The following GNPTG variants were observed in gnomAD, a reference collection of about 807,000 sequenced individuals.
GNPTG encodes the protein N-acetylglucosamine-1-phosphotransferase subunit gamma.
In GNPTG, 46 loss-of-function variants were observed where a neutral mutation model predicts 43.8. The ratio of observed to expected loss-of-function variants is 1.05; its 90% CI spans 0.83 to 1.34. The LOEUF is 1.34. GNPTG is among the 40% of genes most tolerant of loss of function. GNPTG has a pLI of 0.00. For synonymous variants in GNPTG, 250 were observed against 172.8 expected (o/e 1.45, Z -3.50); for missense variants, 549 against 411.3 (o/e 1.33, Z -2.90).
chr16:1,360,636 G>C (rs1406233494), intron 3 of GNPTG: 1 of 152,106 alleles, frequency 6.6e-6, no homozygotes, highest in Non-Finnish European at 1.5e-5. Flanking sequence ...AGAAAAAAAA[G>C]AATCTAATGC....
chr16:1,362,219 G>A lies in GNPTG; in HGVS notation c.425G>A (p.Cys142Tyr). Residue 142 changes from cysteine (C) to tyrosine (Y), a missense_variant, in exon 7 of 11, where the codon TGT becomes TAT. Transcript: ENST00000204679. ...RSRQSKVELA[C>Y]GKSNRLAHVS... ...TTCCCTCCCCAGGTGGAGCTGGCGT[G>A]TGGAAAAAGCAACCGGCTGGCCCAT... is the stretch of plus-strand genomic sequence containing the variant. The A allele has an allele frequency of 6.2e-7, 1 of 1,613,592 alleles. No homozygotes were observed. The highest frequency in any genetic ancestry group is 8.5e-7 in the Non-Finnish European group (1 of 1,179,960).
Position 1,351,972 on chromosome 16 carries a change from G to A in GNPTG, c.7G>A (p.Ala3Thr), listed in dbSNP as rs914207699. The change falls in exon 1 of 11, where the codon GCG becomes ACG. Residue 3 changes from alanine to threonine, a missense_variant. Physicochemically the swap from Ala to Thr is moderately conservative, Grantham distance 58 (BLOSUM62 0). Coordinates refer to ENST00000204679, the MANE Select transcript of GNPTG (RefSeq NM_032520.5). MA[A>T]GLARLLLLLG... is the part of the protein sequence containing the mutation. ...CGGCGGCCGCTGCGGCGCGATGGCGGCGGGGCTGGCGCGGCTCCTGTTGCT... is the reference window on the plus strand; with the variant it reads ...CGGCGGCCGCTGCGGCGCGATGGCGACGGGGCTGGCGCGGCTCCTGTTGCT... 141 of 1,317,162 alleles carry A rather than the reference G, an allele frequency of 1.1e-4. No homozygotes were observed. The African/African-American group carries it at 1.9e-3, about 18-fold the overall frequency. The allele number at this position is 1,317,162 out of a possible 1,614,324, so 81.6% of individuals were successfully genotyped here.
At chr16:1,359,596 ACT>A (rs1491280217) in intron 3 of GNPTG, among the ~76,000 whole-genome samples, 1 of 152,074 alleles carries the variant, frequency 6.6e-6, no homozygotes, top group Non-Finnish European at 1.5e-5. Flanking sequence ...CCAGTATCAC[ACT>A]GTTTTGATCA....
rs1311440666 is a variant in GNPTG, at chr16:1,362,050, G to A, written c.330G>A (p.Glu110=). The A allele has an allele frequency of 1.9e-6, 3 of 1,612,610 alleles. No individual in the cohort carries two copies. The highest frequency in any genetic ancestry group is 2.7e-5 in the African/African-American group (2 of 74,920). ...CGTGTCTCCCCAGCATCTGGCACGAGTGGGAGATCGCCAACAACACCTTCA... is the reference window on the plus strand; with the variant it reads ...CGTGTCTCCCCAGCATCTGGCACGAATGGGAGATCGCCAACAACACCTTCA... ...AYSGILGIWH[E]WEIANNTFTG... is the part of the protein sequence containing the mutation. Residue 110 remains glutamate, a synonymous_variant, in exon 6 of 11, where the codon GAG becomes GAA. Coordinates refer to ENST00000204679, the MANE Select transcript of GNPTG (RefSeq NM_032520.5).
At position 1,362,527 on chromosome 16, in the gene GNPTG, C is replaced by G; in HGVS notation, c.602C>G (p.Thr201Ser). The G allele has an allele frequency of 6.2e-7, 1 of 1,614,042 alleles. No individual in the cohort carries two copies. ...CAGGACCTGGCCGATGAGCTGATCA[C>G]CCCCCAGGTAAGCGTGCGCTCGGGG... is the stretch of plus-strand genomic sequence containing the variant. ...VEQDLADELI[T>S]PQGHEKLLRT... is the part of the protein sequence containing the mutation. Residue 201 changes from threonine (T) to serine (S), a missense_variant, in exon 8 of 11, where the codon ACC becomes AGC. Transcript: ENST00000204679.
At chr16:1,355,667 C>CCAGCA (rs2034762753) in intron 3 of GNPTG, among the ~76,000 whole-genome samples, 1 of 151,892 alleles carries the variant, frequency 6.6e-6, no homozygotes, top group South Asian at 2.1e-4. Flanking sequence ...CCAGCATAGC[C>CCAGCA]CAGCACACTG....
In GNPTG at chr16:1,351,986, G is replaced by T. The variant is rs977124651; in HGVS notation, c.21G>T (p.Arg7=). 1.4e-6 allele frequency: 2 copies of T among 1,403,586 alleles called. No individual in the cohort carries two copies. Among genetic ancestry groups the T allele is most frequent in the South Asian group, 3.0e-5 (2 of 66,376 alleles). The allele number at this position is 1,403,586 out of a possible 1,614,324, so 86.9% of individuals were successfully genotyped here. The change falls in exon 1 of 11, where the codon CGG becomes CGT. Residue 7 remains arginine, a synonymous_variant. Coordinates refer to ENST00000204679, the MANE Select transcript of GNPTG (RefSeq NM_032520.5). MAAGLA[R]LLLLLGLSAG... The stretch of plus-strand genomic sequence containing the variant: ...GCGCGATGGCGGCGGGGCTGGCGCG[G>T]CTCCTGTTGCTCCTCGGGCTCTCGG...
At chr16:1,361,608 C>T (rs919945951) in intron 3 of GNPTG, 135 bp from the exon 4 acceptor site, 2 of 856,344 alleles carry the variant, frequency 2.3e-6, no homozygotes, top group African/African-American at 1.7e-5. Flanking sequence ...CATGCCACTG[C>T]ACTCCAGCCT....
intron 5 of GNPTG, 25 bp from the exon 6 acceptor site, chr16:1,362,013 A>ACGTGC: frequency 6.2e-7 from 1 of 1,612,870 alleles, no homozygotes; most frequent in Non-Finnish European, 8.5e-7. Context: ...ACCCGGCCTC[A>ACGTGC]CGTGCCGTGC....
chr16:1,363,364 A>G lies in GNPTG; in HGVS notation c.*273A>G, dbSNP rs1316075782. 1.1e-5 allele frequency: 5 copies of G among 451,334 alleles called. No individual in the cohort carries two copies. Among genetic ancestry groups the G allele is most frequent in the Admixed American group, 3.5e-5 (1 of 28,780 alleles). The allele number at this position is 451,334 out of a possible 1,614,324, so 28.0% of individuals were successfully genotyped here. A position where few individuals can be genotyped will look rare whatever the true frequency, so the allele number is the denominator to read the frequency against. On this transcript the variant is annotated 3_prime_UTR_variant, in exon 11 of 11. Coordinates refer to ENST00000204679, the MANE Select transcript of GNPTG (RefSeq NM_032520.5). ...ATTATAAATACTACCTTCTGGGTTA[A>G]GAAAATTCCATTCAAATAACATTCT...
chr16:1,359,461 G>A (rs2034833508), intron 3 of GNPTG, among the ~76,000 whole-genome samples: 1 of 151,728 alleles, frequency 6.6e-6, no homozygotes, highest in South Asian at 2.1e-4. Flanking sequence ...TTAGAGATCA[G>A]GTTTCACCAT....
intron 3 of GNPTG, among the ~76,000 whole-genome samples, chr16:1,353,179 A>G (rs964909329): frequency 1.3e-5 from 2 of 152,122 alleles, no homozygotes; most frequent in African/African-American, 2.4e-5. Context: ...ATTTCACCGT[A>G]TTGACCAGGC....
rs772239803 is a variant in GNPTG at position 1,351,991 on chromosome 16, T to C, written c.26T>C (p.Leu9Pro). 7.0e-7 allele frequency: 1 copy of C among 1,429,296 alleles called. No individual in the cohort carries two copies. Among genetic ancestry groups the C allele is most frequent in the South Asian group, 1.4e-5 (1 of 71,174 alleles). 88.5% of individuals were successfully genotyped at this position (1,429,296 alleles called of 1,614,324 possible). A position where few individuals can be genotyped will look rare whatever the true frequency, so the allele number is the denominator to read the frequency against. ...ATGGCGGCGGGGCTGGCGCGGCTCCTGTTGCTCCTCGGGCTCTCGGCCGGC... is the reference window on the plus strand; with the variant it reads ...ATGGCGGCGGGGCTGGCGCGGCTCCCGTTGCTCCTCGGGCTCTCGGCCGGC... MAAGLARL[L>P]LLLGLSAGGP... The change falls in exon 1 of 11, where the codon CTG becomes CCG. Residue 9 changes from leucine to proline, a missense_variant. Leu to Pro is a moderately conservative substitution (Grantham distance 98). Transcript: ENST00000204679.
In GNPTG at chr16:1,363,259, C is replaced by T. The variant is rs1420643071; in HGVS notation, c.*168C>T. On this transcript the variant is annotated 3_prime_UTR_variant, in exon 11 of 11. Coordinates refer to ENST00000204679, the MANE Select transcript of GNPTG (RefSeq NM_032520.5). ...ACTGATAAAAATAACTCCATGAATT[C>T]TGTAAACCATTGCATAAATGCTATA... The T allele has an allele frequency of 1.2e-5, 8 of 677,558 alleles. No homozygotes were observed. The highest frequency in any genetic ancestry group is 4.6e-5 in the Admixed American group (2 of 43,662). The allele number at this position is 677,558 out of a possible 1,614,324, so 42.0% of individuals were successfully genotyped here.
intron 1 of GNPTG, 24 bp from the exon 2 acceptor site, chr16:1,352,078 C>A (rs1189333562): frequency 1.9e-6 from 3 of 1,548,998 alleles, no homozygotes; most frequent in East Asian, 2.4e-5. Context: ...CCGGCCTCCC[C>A]GCTCACGGTC....
chr16:1,353,724 T>C (rs1249277873), intron 3 of GNPTG, among the ~76,000 whole-genome samples: 1 of 152,084 alleles, frequency 6.6e-6, no homozygotes, highest in African/African-American at 2.4e-5. Flanking sequence ...GAAGTCTCAC[T>C]ATGTTGCCCA....
rs539354203 is a variant in GNPTG at position 1,363,347 on chromosome 16, T to TA, written c.*257dup. 1,693 of 485,782 alleles carry TA rather than the reference T, an allele frequency of 3.5e-3. 12 individuals carry two copies. The highest frequency in any genetic ancestry group is 7.4e-3 in the South Asian group (356 of 47,958). The allele number at this position is 485,782 out of a possible 1,614,324, so 30.1% of individuals were successfully genotyped here. A position where few individuals can be genotyped will look rare whatever the true frequency, so the allele number is the denominator to read the frequency against. ...TTCGCTACAAGTAAATGATTATAAA[T>TA]ACTACCTTCTGGGTTAAGAAAATTC... On this transcript the variant is annotated 3_prime_UTR_variant, in exon 11 of 11. Transcript: ENST00000204679.
Position 1,362,836 on chromosome 16 carries a change from A to C in GNPTG, c.753A>C (p.Glu251Asp). The change falls in exon 10 of 11, where the codon GAA becomes GAC. Residue 251 changes from glutamate (E) to aspartate (D), a missense_variant. Glu to Asp is a conservative substitution (Grantham distance 45). Coordinates refer to ENST00000204679, the MANE Select transcript of GNPTG (RefSeq NM_032520.5). ...TTTGTGGTTGGTAGGCTCATAAAGA[A>C]CTCTCAAAGGAGATCAAAAGGCTGA... Reference protein sequence around the residue: ...TLENCRKAHKELSKEIKRLKG... With the variant: ...TLENCRKAHKDLSKEIKRLKG... 1 of 1,613,140 alleles carries C rather than the reference A, an allele frequency of 6.2e-7. No individual in the cohort carries two copies. The highest frequency in any genetic ancestry group is 8.5e-7 in the Non-Finnish European group (1 of 1,179,792).
At position 1,363,305 on chromosome 16, in the gene GNPTG, G is replaced by A. The variant is rs914916934; in HGVS notation, c.*214G>A. ...CTATAGTGTAAAAAAATTTAAACAA[G>A]TGTTAACTTTAAACAGTTCGCTACA... is the stretch of plus-strand genomic sequence containing the variant. On this transcript the variant is annotated 3_prime_UTR_variant, in exon 11 of 11. Transcript: ENST00000204679. The A allele has an allele frequency of 6.9e-6, 4 of 579,514 alleles. No homozygotes were observed. Among genetic ancestry groups the A allele is most frequent in the African/African-American group, 5.6e-5 (3 of 53,364 alleles). 35.9% of individuals were successfully genotyped at this position (579,514 alleles called of 1,614,324 possible).
Sources: gnomAD v4.1 joint callset for allele counts (sites outside exome capture counted in the v4.1 genomes callset) on GRCh38, gnomAD v4.1.1 for gene constraint, MANE v1.5 for transcripts, NCBI Gene and HGNC (gene_info 2026-07-23, HGNC 2026-07-21) for gene names.